FOCAD: variants seen among roughly 807,000 people sequenced by gnomAD.
FOCAD encodes KIAA1797.
In FOCAD, 198 loss-of-function variants were observed where a neutral mutation model predicts 225.6. The ratio of observed to expected loss-of-function variants is 0.88; its 90% CI spans 0.78 to 0.99. FOCAD has a LOEUF of 0.99. FOCAD is among the 50% of genes least tolerant of loss of function. The pLI is 0.00. For synonymous variants in FOCAD, 897 were observed against 755.0 expected, an observed-to-expected ratio of 1.19 and a Z score of -3.08; for missense variants, 2,713 against 2,123.6, an observed-to-expected ratio of 1.28 and a Z score of -5.46.
chr9:20,798,507 T>C (rs903243586), intron 11 of FOCAD, among the ~76,000 whole-genome samples: 5 of 152,246 alleles, frequency 3.3e-5, no homozygotes, highest in African/African-American at 1.2e-4. Context: ...AGCTATTAAT[T>C]ATTTCCTCAA....
chr9:20,927,531 A>T (rs535241128), intron 26 of FOCAD, among the ~76,000 whole-genome samples: 5 of 148,206 alleles, frequency 3.4e-5, no homozygotes, highest in East Asian at 2.0e-4. Flanking sequence ...TTGATCATTT[A>T]AAAAAAAAAG....
chr9:20,976,248 C>A lies in FOCAD; in HGVS notation c.4133-172C>A, dbSNP rs532623147. 7.9e-6 allele frequency: 4 copies of A among 503,272 alleles called. No homozygotes were observed. In the East Asian group the frequency reaches 1.0e-4, roughly 13 times the overall value. 31.2% of individuals were successfully genotyped at this position (503,272 alleles called of 1,614,324 possible). ...AAAAGAGAAGAACAGAGGGAGCAAG[C>A]TTTTCTGGCAAATGGAGTTGAAATT... On this transcript the variant is annotated intron_variant, in intron 35 of 43. Transcript: ENST00000338382.
intron 1 of FOCAD, among the ~76,000 whole-genome samples, chr9:20,707,144 C>G (rs1051428078): frequency 6.6e-6 from 1 of 152,192 alleles, no homozygotes; most frequent in East Asian, 1.9e-4. Flanking sequence ...ATAGCAGTCT[C>G]TTCCACATCA....
intron 5 of FOCAD, among the ~76,000 whole-genome samples, chr9:20,753,182 A>G (rs972410268): frequency 5.3e-5 from 8 of 152,046 alleles, no homozygotes; most frequent in African/African-American, 1.4e-4. Context: ...CCTGGCCAGA[A>G]CTTCCAACAC....
chr9:20,938,068 A>T (rs2132266662), intron 28 of FOCAD, among the ~76,000 whole-genome samples: 1 of 152,266 alleles, frequency 6.6e-6, no homozygotes, highest in South Asian at 2.1e-4. Flanking sequence ...ATCATTAAAA[A>T]GTCAGGAAAC....
chr9:20,979,039 G>T (rs1587771520), intron 37 of FOCAD, among the ~76,000 whole-genome samples: 1 of 152,334 alleles, frequency 6.6e-6, no homozygotes, highest in East Asian at 1.9e-4. Flanking sequence ...GAGGGGGCTA[G>T]CACCTTTCAC....
At chr9:20,755,589 A>G (rs1260624901) in intron 5 of FOCAD, among the ~76,000 whole-genome samples, 1 of 152,170 alleles carries the variant, frequency 6.6e-6, no homozygotes, top group Non-Finnish European at 1.5e-5. Context: ...AAGAATATTG[A>G]AAAGCACTTC....
intron 15 of FOCAD, among the ~76,000 whole-genome samples, chr9:20,838,604 C>T (rs1369199292): frequency 6.6e-6 from 1 of 152,004 alleles, no homozygotes; most frequent in South Asian, 2.1e-4. Flanking sequence ...CCTTCTATTC[C>T]ACTTGTTTGG....
chr9:20,726,659 A>T (rs1459319960), intron 4 of FOCAD, among the ~76,000 whole-genome samples: 1 of 152,166 alleles, frequency 6.6e-6, no homozygotes, highest in South Asian at 2.1e-4. Context: ...TGAGTCTTTG[A>T]TCATGGGCTG....
intron 5 of FOCAD, among the ~76,000 whole-genome samples, chr9:20,755,343 G>A (rs563685761): frequency 3.3e-4 from 50 of 152,282 alleles, no homozygotes; most frequent in Non-Finnish European, 5.6e-4. Flanking sequence ...CCAATAGCTA[G>A]CAAAACAGGC....
At chr9:20,825,118 T>C (rs1824738321) in intron 15 of FOCAD, among the ~76,000 whole-genome samples, 1 of 151,448 alleles carries the variant, frequency 6.6e-6, no homozygotes, top group African/African-American at 2.4e-5. Flanking sequence ...TATATCTTTC[T>C]GTTTTGTTTA....
chr9:20,899,060 G>T (rs550428044), intron 21 of FOCAD, among the ~76,000 whole-genome samples: 1 of 151,972 alleles, frequency 6.6e-6, no homozygotes, highest in East Asian at 1.9e-4. Flanking sequence ...TTGGAGATGG[G>T]TATTGCTTTC....
chr9:20,949,729 CT>C, intron 33 of FOCAD, 54 bp downstream of exon 33: 4 of 1,385,566 alleles, frequency 2.9e-6, no homozygotes, highest in East Asian at 2.3e-5. Context: ...CCTTTGTTGT[CT>C]TTTTTTCTAT....
intron 28 of FOCAD, among the ~76,000 whole-genome samples, chr9:20,940,372 G>A (rs1210505660): frequency 6.7e-6 from 1 of 149,314 alleles, no homozygotes; most frequent in Non-Finnish European, 1.5e-5. Flanking sequence ...CTGCAAGTTC[G>A]ACCTCCTGGG....
In FOCAD at chr9:20,946,733, A is replaced by C; in HGVS notation, c.3588A>C (p.Thr1196=). 1 of 1,613,590 alleles carries C rather than the reference A, an allele frequency of 6.2e-7. No homozygotes were observed. The highest frequency in any genetic ancestry group is 1.7e-4 in the Middle Eastern group (1 of 6,060). ...VLAYTLSCVC[T]SAFSAGIIEA... ...CCTACACACTTAGCTGTGTATGTAC[A>C]TCAGCGTTCAGTGCTGGAATTATTG... The change falls in exon 30 of 44, where the codon ACA becomes ACC. Residue 1196 remains threonine (T), a synonymous_variant. Transcript: ENST00000338382.
intron 1 of FOCAD, among the ~76,000 whole-genome samples, chr9:20,712,727 A>ATT (rs749245270): frequency 3.0e-5 from 3 of 99,024 alleles, no homozygotes; most frequent in Non-Finnish European, 5.9e-5. Context: ...TTTCTCCTAT[A>ATT]TTCTTTTTTT....
chr9:20,836,545 C>T (rs1444262717), intron 15 of FOCAD, among the ~76,000 whole-genome samples: 1 of 152,068 alleles, frequency 6.6e-6, no homozygotes, highest in Non-Finnish European at 1.5e-5. Flanking sequence ...TCTTCCTGGG[C>T]ATGAAAACTC....
chr9:20,948,330 T>A lies in FOCAD; in HGVS notation c.3735T>A (p.His1245Gln). Reference sequence around the variant, plus strand: ...TTCATGGATTGTCTGTGTGTGGACATGGAAAAGCTGAAGACTTGGGCAGCA... The same window carrying A: ...TTCATGGATTGTCTGTGTGTGGACAAGGAAAAGCTGAAGACTTGGGCAGCA... ...NIVHGLSVCGHGKAEDLGSKL... is the reference protein window; with the variant it reads ...NIVHGLSVCGQGKAEDLGSKL... The change falls in exon 31 of 44, where the codon CAT (histidine) becomes CAA (glutamine). Residue 1245 changes from histidine (H) to glutamine (Q), a missense_variant. By Grantham distance (24) the His-to-Gln change is conservative (BLOSUM62 0). Transcript: ENST00000338382. 1 of 1,612,666 alleles carries A rather than the reference T, an allele frequency of 6.2e-7. No homozygotes were observed. Among genetic ancestry groups the A allele is most frequent in the South Asian group, 1.1e-5 (1 of 91,044 alleles).
At chr9:20,971,107 G>T (rs1338835773) in intron 35 of FOCAD, among the ~76,000 whole-genome samples, 1 of 152,036 alleles carries the variant, frequency 6.6e-6, no homozygotes, top group East Asian at 1.9e-4. Flanking sequence ...TGTTCTTTTA[G>T]CCAGTGATTA....
Sources: gnomAD v4.1 joint callset for allele counts (sites outside exome capture counted in the v4.1 genomes callset) on GRCh38, gnomAD v4.1.1 for gene constraint, MANE v1.5 for transcripts, NCBI Gene and HGNC (gene_info 2026-07-23, HGNC 2026-07-21) for gene names.